The following PTPRD variants were observed in gnomAD, a reference collection of about 807,000 sequenced individuals.
PTPRD encodes protein tyrosine phosphatase receptor type D.
In PTPRD, 34 loss-of-function variants were observed where a neutral mutation model predicts 214.5. The ratio of observed to expected loss-of-function variants is 0.16; its 90% CI spans 0.12 to 0.21. The LOEUF is 0.21. Ranked by LOEUF, PTPRD falls within the 10% of genes least tolerant of loss-of-function variation. PTPRD has a pLI of 1.00. For missense variants in PTPRD, 2,545 were observed against 2,398.7 expected, an observed-to-expected ratio of 1.06 and a Z score of -1.27; for synonymous variants, 1,128 against 845.7, an observed-to-expected ratio of 1.33 and a Z score of -5.79.
Position 10,126,946 on chromosome 9 carries a change from C to CTTTT in PTPRD, c.-544-93160_-544-93157dup, listed in dbSNP as rs34691762. 2.8e-3 allele frequency among the ~76,000 whole-genome samples: 362 copies of CTTTT among 130,566 alleles called. 6 individuals carry two copies. The highest frequency in any genetic ancestry group is 0.01 in the African/African-American group (333 of 31,754). 85.7% of individuals were successfully genotyped at this position (130,566 alleles called of 152,430 possible). A position where few individuals can be genotyped will look rare whatever the true frequency, so the allele number is the denominator to read the frequency against. On this transcript the variant is annotated intron_variant, in intron 3 of 45. Transcript: ENST00000381196. ...CCTTAGACTCTGAGTCTCAAATGGA[C>CTTTT]TTTTTTTTTTTTTTTTTGGCAGAAA...
intron 11 of PTPRD, among the ~76,000 whole-genome samples, chr9:8,819,732 A>G: frequency 6.6e-6 from 1 of 152,172 alleles, no homozygotes; most frequent in East Asian, 1.9e-4. Flanking sequence ...ACTTTCAATA[A>G]AATGTGGGAG....
At chr9:8,729,109 C>T (rs901530725) in intron 12 of PTPRD, among the ~76,000 whole-genome samples, 1 of 152,170 alleles carries the variant, frequency 6.6e-6, no homozygotes, top group Non-Finnish European at 1.5e-5. Context: ...ACTGTGTTTA[C>T]CTACAGTAAA....
At chr9:8,562,337 G>C (rs1024426176) in intron 14 of PTPRD, among the ~76,000 whole-genome samples, 1 of 151,930 alleles carries the variant, frequency 6.6e-6, no homozygotes, top group Non-Finnish European at 1.5e-5. Flanking sequence ...TAATTATATT[G>C]TCACCTTTCT....
intron 11 of PTPRD, among the ~76,000 whole-genome samples, chr9:8,947,033 T>TC (rs898299224): frequency 3.3e-5 from 5 of 149,760 alleles, no homozygotes; most frequent in African/African-American, 1.2e-4. Context: ...TCTTTTCTTT[T>TC]TTTTTTTTTG....
At chr9:10,557,993 A>C (rs1308511671) in intron 2 of PTPRD, among the ~76,000 whole-genome samples, 1 of 152,122 alleles carries the variant, frequency 6.6e-6, no homozygotes, top group Non-Finnish European at 1.5e-5. Context: ...ATCTTGTTGA[A>C]ATTCTTAATA....
At chr9:9,483,771 G>C (rs1044821890) in intron 8 of PTPRD, among the ~76,000 whole-genome samples, 18 of 150,476 alleles carry the variant, frequency 1.2e-4, no homozygotes, top group Non-Finnish European at 2.2e-4. Context: ...AGAAAGTAAT[G>C]TCTTCTTTCT....
intron 11 of PTPRD, among the ~76,000 whole-genome samples, chr9:8,851,271 C>T (rs1476327964): frequency 6.6e-6 from 1 of 151,856 alleles, no homozygotes; most frequent in African/African-American, 2.4e-5. Context: ...TTTCTTCCCC[C>T]AAACTGAAAC....
intron 11 of PTPRD, among the ~76,000 whole-genome samples, chr9:8,797,648 T>C (rs1319008194): frequency 1.3e-5 from 2 of 152,190 alleles, no homozygotes; most frequent in Admixed American, 1.3e-4. Context: ...CTCTATCTCA[T>C]CCACCAACTA....
At chr9:8,392,950 T>C (rs1440823570) in intron 36 of PTPRD, among the ~76,000 whole-genome samples, 1 of 152,160 alleles carries the variant, frequency 6.6e-6, no homozygotes, top group Non-Finnish European at 1.5e-5. Context: ...TAATCAGCAG[T>C]CCATTTCAAG....
intron 11 of PTPRD, among the ~76,000 whole-genome samples, chr9:8,736,851 C>G (rs2090547664): frequency 6.6e-6 from 1 of 152,146 alleles, no homozygotes; most frequent in South Asian, 2.1e-4. Context: ...TCACAGCTAT[C>G]AGATGTTAAA....
rs1369641859 is a variant in PTPRD at position 8,341,130 on chromosome 9, C to G, written c.5086G>C (p.Gly1696Arg). The G allele has an allele frequency of 1.2e-6, 2 of 1,612,716 alleles. No individual in the cohort carries two copies. Among genetic ancestry groups the G allele is most frequent in the Admixed American group, 3.3e-5 (2 of 59,874 alleles). Residue 1696 changes from glycine to arginine, a missense_variant, in exon 41 of 46, where the codon GGA becomes CGA. Gly to Arg is a moderately radical substitution (Grantham distance 125, BLOSUM62 -2). Coordinates refer to ENST00000381196, the MANE Select transcript of PTPRD (RefSeq NM_002839.4). ...VCLQPIRGVE[G>R]SDYINASFID... ...AAACTGGCATTGATGTAATCAGATC[C>G]TTCTACTCCACGGATAGGCTGCAGG...
chr9:8,977,193 G>T (rs1250478819), intron 11 of PTPRD, among the ~76,000 whole-genome samples: 1 of 152,060 alleles, frequency 6.6e-6, no homozygotes, highest in East Asian at 1.9e-4. Context: ...GCCTCTATTA[G>T]TCTCTGCTGG....
chr9:8,783,669 A>C (rs771816392), intron 11 of PTPRD, among the ~76,000 whole-genome samples: 11 of 152,142 alleles, frequency 7.2e-5, no homozygotes, highest in Non-Finnish European at 1.6e-4. Flanking sequence ...GAGAGTGGCC[A>C]CTGCTTTGGT....
chr9:10,338,440 A>C (rs1040913500), intron 3 of PTPRD, among the ~76,000 whole-genome samples: 1 of 151,790 alleles, frequency 6.6e-6, no homozygotes, highest in Non-Finnish European at 1.5e-5. Context: ...TTACAAGCCA[A>C]TAATGCATTT....
At chr9:9,997,174 G>C (rs1047516648) in intron 4 of PTPRD, among the ~76,000 whole-genome samples, 10 of 152,056 alleles carry the variant, frequency 6.6e-5, no homozygotes, top group Non-Finnish European at 1.0e-4. Flanking sequence ...AGTGAGTCAA[G>C]TAGCTATTCT....
Position 8,314,370 on chromosome 9 carries a change from G to A in PTPRD, c.*3504C>T, listed in dbSNP as rs902417442. 4.8e-5 allele frequency: 11 copies of A among 228,724 alleles called. No individual in the cohort carries two copies. The highest frequency in any genetic ancestry group is 2.5e-4 in the East Asian group (4 of 16,082). The allele number at this position is 228,724 out of a possible 1,614,324, so 14.2% of individuals were successfully genotyped here. A position where few individuals can be genotyped will look rare whatever the true frequency, so the allele number is the denominator to read the frequency against. ...AACGAAGTAAGAAAATAAAAAGCAC[G>A]CCTTTCATTCTGTAAAACATTTACG... On this transcript the variant is annotated 3_prime_UTR_variant, in exon 46 of 46. Coordinates refer to ENST00000381196, the MANE Select transcript of PTPRD (RefSeq NM_002839.4).
At chr9:9,708,802 T>C (rs573942385) in intron 7 of PTPRD, among the ~76,000 whole-genome samples, 56 of 152,176 alleles carry the variant, frequency 3.7e-4, no homozygotes, top group Non-Finnish European at 6.0e-4. Flanking sequence ...AGAATGCCAT[T>C]GCAAGAAAAA....
intron 5 of PTPRD, among the ~76,000 whole-genome samples, chr9:9,842,916 G>A (rs555943001): frequency 6.6e-6 from 1 of 151,944 alleles, no homozygotes; most frequent in Non-Finnish European, 1.5e-5. Flanking sequence ...ATGTATCAGG[G>A]TACTCATGTA....
intron 3 of PTPRD, among the ~76,000 whole-genome samples, chr9:10,216,205 C>T (rs1594474646): frequency 1.3e-5 from 2 of 151,174 alleles, no homozygotes; most frequent in African/African-American, 2.4e-5. Flanking sequence ...ATTCTGATTC[C>T]TGAGGTTTTT....
Sources: gnomAD v4.1 joint callset for allele counts (sites outside exome capture counted in the v4.1 genomes callset) on GRCh38, gnomAD v4.1.1 for gene constraint, MANE v1.5 for transcripts, NCBI Gene and HGNC (gene_info 2026-07-23, HGNC 2026-07-21) for gene names.